CDH4: variants seen among roughly 807,000 people sequenced by gnomAD.
The protein encoded by CDH4 is cadherin 4.
CDH4 carries 33 observed loss-of-function variants against 86.0 expected under a neutral mutation model. The ratio of observed to expected loss-of-function variants is 0.38; its 90% CI spans 0.29 to 0.51. CDH4 has a LOEUF of 0.51. Among genes scored for constraint, CDH4 ranks in the 20% least tolerant of loss-of-function variants. The pLI, the probability that CDH4 is intolerant of heterozygous loss-of-function variation, is 0.86. For synonymous variants in CDH4, 555 were observed against 549.4 expected (o/e 1.01, Z -0.14); for missense variants, 1,114 against 1,307.4 (o/e 0.85, Z 2.28).
At chr20:61,768,840 C>G (rs947178326) in intron 3 of CDH4, among the ~76,000 whole-genome samples, 1 of 152,042 alleles carries the variant, frequency 6.6e-6, no homozygotes, top group African/African-American at 2.4e-5. Flanking sequence ...TTTATTTAAA[C>G]AACACTAGGG....
At chr20:61,522,258 G>A (rs141072611) in intron 2 of CDH4, among the ~76,000 whole-genome samples, 4 of 152,180 alleles carry the variant, frequency 2.6e-5, no homozygotes, top group African/African-American at 7.2e-5. Context: ...CAGTGGGCAC[G>A]TGGAGAGGCC....
chr20:61,552,876 A>AT (rs1491012386), intron 2 of CDH4, among the ~76,000 whole-genome samples: 1 of 151,300 alleles, frequency 6.6e-6, no homozygotes, highest in Non-Finnish European at 1.5e-5. Flanking sequence ...AAAAAAAAAA[A>AT]ACTTGTCACC....
intron 2 of CDH4, among the ~76,000 whole-genome samples, chr20:61,531,752 G>A (rs1269539138): frequency 6.6e-6 from 1 of 152,226 alleles, no homozygotes; most frequent in African/African-American, 2.4e-5. Context: ...TTGAGATGAG[G>A]CCGGGATGAG....
At chr20:61,825,723 G>A (rs1313842827) in intron 4 of CDH4, among the ~76,000 whole-genome samples, 1 of 152,202 alleles carries the variant, frequency 6.6e-6, no homozygotes, top group African/African-American at 2.4e-5. Context: ...CACCTGCCAT[G>A]CTCCAAGGCA....
chr20:61,761,897 G>A (rs1015784250), intron 3 of CDH4, among the ~76,000 whole-genome samples: 8 of 152,192 alleles, frequency 5.3e-5, no homozygotes, highest in African/African-American at 1.9e-4. Flanking sequence ...AAGCCATGCC[G>A]ACAGCTCCGC....
intron 4 of CDH4, among the ~76,000 whole-genome samples, chr20:61,793,955 G>A (rs1457965131): frequency 9.4e-5 from 14 of 148,294 alleles, no homozygotes; most frequent in South Asian, 2.2e-4. Flanking sequence ...TGACTAACAC[G>A]GTGAAACCTC....
intron 2 of CDH4, among the ~76,000 whole-genome samples, chr20:61,627,122 G>T (rs1262206491): frequency 6.6e-6 from 1 of 152,128 alleles, no homozygotes; most frequent in African/African-American, 2.4e-5. Context: ...GCTTCTGGGG[G>T]CAGCAGGAGA....
chr20:61,258,897 C>G (rs1387003926), intron 2 of CDH4, among the ~76,000 whole-genome samples: 2 of 152,196 alleles, frequency 1.3e-5, no homozygotes. Context: ...TCTCAGAATC[C>G]CTGCAGAAGT....
chr20:61,565,062 T>TGGTGG (rs2086254186), intron 2 of CDH4, among the ~76,000 whole-genome samples: 1 of 101,218 alleles, frequency 9.9e-6, no homozygotes, highest in African/African-American at 4.2e-5. Context: ...GGTGGTGCTC[T>TGGTGG]TGGTGGTGGT....
chr20:61,425,517 C>T (rs527286084), intron 2 of CDH4, among the ~76,000 whole-genome samples: 2 of 152,280 alleles, frequency 1.3e-5, no homozygotes, highest in East Asian at 3.9e-4. Flanking sequence ...GCTCTGAGGT[C>T]GAGCCTAGGA....
intron 2 of CDH4, among the ~76,000 whole-genome samples, chr20:61,390,493 G>C (rs2084977180): frequency 1.4e-5 from 2 of 143,766 alleles, no homozygotes; most frequent in Non-Finnish European, 1.5e-5. Context: ...TGCCCATAGT[G>C]CCGTGTCTGG....
chr20:61,553,304 C>T (rs1189737663), intron 2 of CDH4, among the ~76,000 whole-genome samples: 1 of 152,192 alleles, frequency 6.6e-6, no homozygotes, highest in African/African-American at 2.4e-5. Flanking sequence ...GACAGAGACA[C>T]TAATGGGTGC....
chr20:61,857,599 G>A (rs1254675108), intron 6 of CDH4, among the ~76,000 whole-genome samples: 1 of 152,260 alleles, frequency 6.6e-6, no homozygotes, highest in Non-Finnish European at 1.5e-5. Flanking sequence ...CCCTCACTCC[G>A]TCCACCCAAG....
At chr20:61,400,347 G>A (rs1457909950) in intron 2 of CDH4, among the ~76,000 whole-genome samples, 3 of 152,146 alleles carry the variant, frequency 2.0e-5, no homozygotes, top group African/African-American at 7.2e-5. Context: ...AGGAAGGAAA[G>A]GAAGGAACCC....
At chr20:61,433,357 G>T (rs1006287965) in intron 2 of CDH4, among the ~76,000 whole-genome samples, 2 of 152,238 alleles carry the variant, frequency 1.3e-5, no homozygotes, top group Non-Finnish European at 2.9e-5. Flanking sequence ...CCTTCCTTCT[G>T]TCGACACCAC....
chr20:61,647,542 TC>T (rs2087075320), intron 2 of CDH4, among the ~76,000 whole-genome samples: 1 of 108,228 alleles, frequency 9.2e-6, no homozygotes, highest in African/African-American at 3.4e-5. Context: ...TCCCTCTCCC[TC>T]TCCCTCTCCC....
chr20:61,885,212 T>A (rs1201226565), intron 7 of CDH4, among the ~76,000 whole-genome samples: 2 of 151,966 alleles, frequency 1.3e-5, no homozygotes. Context: ...TTCAGCGGGG[T>A]TCAGTGGTCA....
At chr20:61,934,282 G>A (rs927638732) in intron 15 of CDH4, 62 bp downstream of exon 15, 5 of 1,476,240 alleles carry the variant, frequency 3.4e-6, no homozygotes, top group Non-Finnish European at 4.5e-6. Context: ...TTAAATTCTG[G>A]TAACACACAC....
chr20:61,386,525 CG>C (rs1568824606), intron 2 of CDH4, among the ~76,000 whole-genome samples: 1 of 152,204 alleles, frequency 6.6e-6, no homozygotes, highest in Middle Eastern at 3.4e-3. Context: ...TGGAATGATG[CG>C]GGGGGCCTGG....
Sources: allele counts gnomAD v4.1 joint callset (sites outside exome capture counted in the v4.1 genomes callset), GRCh38; gene constraint gnomAD v4.1.1; transcripts MANE v1.5; gene names NCBI Gene and HGNC (gene_info 2026-07-23, HGNC 2026-07-21).